The following MACIR variants were observed in gnomAD, a reference collection of about 807,000 sequenced individuals.
MACIR encodes macrophage immunometabolism regulator.
A neutral mutation model predicts 14.3 loss-of-function variants in MACIR; 4 were observed. The observed-to-expected ratio is 0.28, with a 90% CI of 0.14 to 0.64. MACIR has a LOEUF of 0.64. Among genes scored for constraint, MACIR ranks in the 30% least tolerant of loss-of-function variants. The pLI is 0.83. For synonymous variants in MACIR, 101 were observed against 102.4 expected, an observed-to-expected ratio of 0.99 and a Z score of 0.08; for missense variants, 228 against 257.6, an observed-to-expected ratio of 0.89 and a Z score of 0.79.
intron 1 of MACIR, among the ~76,000 whole-genome samples, chr5:103,261,705 C>CTTT (rs1562545911): frequency 0.029 from 1,803 of 61,742 alleles, 56 homozygotes; most frequent in Non-Finnish European, 0.038. Flanking sequence ...TTTCTTTCTT[C>CTTT]CTTTCTTTCT....
At chr5:103,263,820 G>A (rs1304474617) in intron 1 of MACIR, among the ~76,000 whole-genome samples, 1 of 152,074 alleles carries the variant, frequency 6.6e-6, no homozygotes, top group African/African-American at 2.4e-5. Context: ...ATATATAACT[G>A]TATTTGATAT....
At chr5:103,271,801 T>G (rs1217029812) in intron 2 of MACIR, among the ~76,000 whole-genome samples, 1 of 152,214 alleles carries the variant, frequency 6.6e-6, no homozygotes, top group Non-Finnish European at 1.5e-5. Flanking sequence ...TGTTTTAGCT[T>G]CTTCTCTCCA....
intron 2 of MACIR, among the ~76,000 whole-genome samples, chr5:103,271,667 A>T (rs1805131141): frequency 6.6e-6 from 1 of 152,110 alleles, no homozygotes; most frequent in South Asian, 2.1e-4. Context: ...TTGTGAGGGA[A>T]TTAGATATTG....
Position 103,271,704 on chromosome 5 carries a change from T to C in MACIR, c.-23-4193T>C, listed in dbSNP as rs915524236. Among the ~76,000 whole-genome samples the C allele has an allele frequency of 3.9e-5, 6 of 152,228 alleles. No homozygotes were observed. The South Asian group carries it at 8.3e-4, about 21-fold the overall frequency. ...AGACCTTAGGTGTCATTTGAAAAATTGTATTGTTCCTGGTACTTTTTAAGA... is the reference window on the plus strand; with the variant it reads ...AGACCTTAGGTGTCATTTGAAAAATCGTATTGTTCCTGGTACTTTTTAAGA... On this transcript the variant is annotated intron_variant, in intron 2 of 2. Coordinates refer to ENST00000319933, the MANE Select transcript of MACIR (RefSeq NM_033211.4).
At chr5:103,258,487 G>A (rs979539051), upstream of MACIR, among the ~76,000 whole-genome samples, 3 of 151,840 alleles carry the variant, frequency 2.0e-5, no homozygotes, top group East Asian at 5.8e-4. Flanking sequence ...ACTAGAGAGC[G>A]GGTGTTGCGA....
rs1237708428 is a variant in MACIR, at chr5:103,277,186, A to G, written c.*646A>G. ...TTATTGATCTCTATGGCTGTAAAAT[A>G]TTTCTTTATAGCGTTATTAAAGTGT... On this transcript the variant is annotated 3_prime_UTR_variant, in exon 3 of 3. Coordinates refer to ENST00000319933, the MANE Select transcript of MACIR (RefSeq NM_033211.4). 1 of 167,028 alleles carries G rather than the reference A, an allele frequency of 6.0e-6. No individual in the cohort carries two copies. The highest frequency in any genetic ancestry group is 2.4e-5 in the African/African-American group (1 of 41,450). 10.3% of individuals were successfully genotyped at this position (167,028 alleles called of 1,614,324 possible). A position where few individuals can be genotyped will look rare whatever the true frequency, so the allele number is the denominator to read the frequency against.
At position 103,275,925 on chromosome 5, in the gene MACIR, A is replaced by G; in HGVS notation, c.6A>G (p.Glu2=). The G allele has an allele frequency of 6.2e-7, 1 of 1,609,332 alleles. No homozygotes were observed. The highest frequency in any genetic ancestry group is 8.5e-7 in the Non-Finnish European group (1 of 1,177,176). The change falls in exon 3 of 3, where the codon GAA becomes GAG. Residue 2 remains glutamate (E), a synonymous_variant. Transcript: ENST00000319933. The part of the protein sequence containing the change: M[E]VDINGESRST... ...TGTGCAGACTGGTGCTTAAAATGGAAGTCGATATTAATGGAGAGTCTAGAA... is the reference window on the plus strand; with the variant it reads ...TGTGCAGACTGGTGCTTAAAATGGAGGTCGATATTAATGGAGAGTCTAGAA...
chr5:103,265,496 GC>G (rs1490961235), intron 1 of MACIR, among the ~76,000 whole-genome samples: 4 of 152,260 alleles, frequency 2.6e-5, no homozygotes, highest in Admixed American at 1.3e-4. Flanking sequence ...TCTTGGCAAG[GC>G]CAGAGCTAGG....
chr5:103,276,311 C>T lies in MACIR; in HGVS notation c.392C>T (p.Pro131Leu), dbSNP rs1554237713. ...AATGGCAGGAGGCGAAGGCGGATGCCAAGCTCAGGAGACAAGTGCACTAAA... is the reference window on the plus strand; with the variant it reads ...AATGGCAGGAGGCGAAGGCGGATGCTAAGCTCAGGAGACAAGTGCACTAAA... Reference protein sequence around the residue: ...AVNGRRRRRMPSSGDKCTKSL... With the variant: ...AVNGRRRRRMLSSGDKCTKSL... Residue 131 changes from proline (P) to leucine (L), a missense_variant, in exon 3 of 3, where the codon CCA becomes CTA. By Grantham distance (98) the Pro-to-Leu change is moderately conservative. Coordinates refer to ENST00000319933, the MANE Select transcript of MACIR (RefSeq NM_033211.4). 1 of 1,612,658 alleles carries T rather than the reference C, an allele frequency of 6.2e-7. No homozygotes were observed. Among genetic ancestry groups the T allele is most frequent in the South Asian group, 1.1e-5 (1 of 90,964 alleles).
chr5:103,276,713 T>G lies in MACIR; in HGVS notation c.*173T>G. ...TTGAATACAGGAATGAAATCACAGG[T>G]ACTTGGGGGGGGGATATCATTCTAG... On this transcript the variant is annotated 3_prime_UTR_variant, in exon 3 of 3. Transcript: ENST00000319933. 1 of 527,498 alleles carries G rather than the reference T, an allele frequency of 1.9e-6. No individual in the cohort carries two copies. Among genetic ancestry groups the G allele is most frequent in the East Asian group, 3.1e-5 (1 of 32,290 alleles). The allele number at this position is 527,498 out of a possible 1,614,324, so 32.7% of individuals were successfully genotyped here.
At chr5:103,269,459 A>AG (rs1554236955) in intron 2 of MACIR, among the ~76,000 whole-genome samples, 1 of 152,080 alleles carries the variant, frequency 6.6e-6, no homozygotes, top group East Asian at 1.9e-4. Flanking sequence ...GCTAAAAAAA[A>AG]CAGTGAAAGC....
rs1056396250 is a variant in MACIR, at chr5:103,278,037, C to T, written c.*1497C>T. The T allele has an allele frequency of 3.0e-5, 5 of 166,958 alleles. No homozygotes were observed. The highest frequency in any genetic ancestry group is 2.1e-4 in the South Asian group (1 of 4,810). 10.3% of individuals were successfully genotyped at this position (166,958 alleles called of 1,614,324 possible). ...GAAAACCCTAGGAACTCTTAATCAA[C>T]GTTTATTACACTTTCATTAAGGCAA... On this transcript the variant is annotated 3_prime_UTR_variant, in exon 3 of 3. Transcript: ENST00000319933.
In MACIR at chr5:103,276,865, T is replaced by C. The variant is rs782143514; in HGVS notation, c.*325T>C. Reference sequence around the variant, plus strand: ...TGACACTCAAATTGGGAATGTTACCTGCTTGGTTGTTGCTGACTTGATATG... The same window carrying C: ...TGACACTCAAATTGGGAATGTTACCCGCTTGGTTGTTGCTGACTTGATATG... On this transcript the variant is annotated 3_prime_UTR_variant, in exon 3 of 3. Transcript: ENST00000319933. 1 of 210,194 alleles carries C rather than the reference T, an allele frequency of 4.8e-6. No homozygotes were observed. Among genetic ancestry groups the C allele is most frequent in the Non-Finnish European group, 1.0e-5 (1 of 96,334 alleles). 13.0% of individuals were successfully genotyped at this position (210,194 alleles called of 1,614,324 possible).
In MACIR at chr5:103,258,851, T is replaced by G. The variant is rs1804554161; in HGVS notation, c.-159T>G. 1 of 152,168 alleles carries G rather than the reference T, an allele frequency of 6.6e-6. No individual in the cohort carries two copies. Among genetic ancestry groups the G allele is most frequent in the South Asian group, 2.1e-4 (1 of 4,816 alleles). 9.4% of individuals were successfully genotyped at this position (152,168 alleles called of 1,614,324 possible). On this transcript the variant is annotated 5_prime_UTR_variant, in exon 1 of 3. Coordinates refer to ENST00000319933, the MANE Select transcript of MACIR (RefSeq NM_033211.4). ...CGCCTCTCCCGCCCCTGTCTCCCGC[T>G]CCGCAGCCCCGGGCACGGCGGAGGC... is the stretch of plus-strand genomic sequence containing the variant.
At chr5:103,269,917 G>A (rs1472266781) in intron 2 of MACIR, among the ~76,000 whole-genome samples, 2 of 152,092 alleles carry the variant, frequency 1.3e-5, no homozygotes, top group Non-Finnish European at 2.9e-5. Context: ...TTGAAGGAAA[G>A]TTTACATTTA....
chr5:103,261,131 G>T (rs1376286529), intron 1 of MACIR, among the ~76,000 whole-genome samples: 1 of 152,186 alleles, frequency 6.6e-6, no homozygotes, highest in Non-Finnish European at 1.5e-5. Context: ...TGCACTTTAA[G>T]GGGGTGGATT....
At chr5:103,260,505 A>G (rs1454274591) in intron 1 of MACIR, among the ~76,000 whole-genome samples, 6 of 152,206 alleles carry the variant, frequency 3.9e-5, no homozygotes, top group East Asian at 3.8e-4. Flanking sequence ...AATGAACAGG[A>G]TGGAATATAA....
chr5:103,270,927 A>G (rs782223295), intron 2 of MACIR, among the ~76,000 whole-genome samples: 1 of 152,092 alleles, frequency 6.6e-6, no homozygotes, highest in Non-Finnish European at 1.5e-5. Context: ...TATCCCTCCT[A>G]TCATGAAAAA....
rs908936102 is a variant in MACIR at position 103,258,893 on chromosome 5, A to G, written c.-117A>G. 2 of 152,242 alleles carry G rather than the reference A, an allele frequency of 1.3e-5. No individual in the cohort carries two copies. The highest frequency in any genetic ancestry group is 1.3e-4 in the Admixed American group (2 of 15,290). The allele number at this position is 152,242 out of a possible 1,614,324, so 9.4% of individuals were successfully genotyped here. A position where few individuals can be genotyped will look rare whatever the true frequency, so the allele number is the denominator to read the frequency against. ...GGCGGAGGCAGCGGAGCCCTGGGCC[A>G]TCGGTAGGTTGCACGGGGACGACGG... On this transcript the variant is annotated 5_prime_UTR_variant, in exon 1 of 3. Transcript: ENST00000319933.
Sources: allele counts gnomAD v4.1 joint callset (sites outside exome capture counted in the v4.1 genomes callset), GRCh38; gene constraint gnomAD v4.1.1; transcripts MANE v1.5; gene names NCBI Gene and HGNC (gene_info 2026-07-23, HGNC 2026-07-21).